The following LPCAT2 variants were observed in gnomAD, a reference collection of about 807,000 sequenced individuals.
The protein encoded by LPCAT2 is lysophosphatidylcholine acyltransferase 2, also known as 1-AGP acyltransferase 11.
LPCAT2 carries 58 observed loss-of-function variants against 64.7 expected under a neutral mutation model. The observed-to-expected ratio is 0.90, with a 90% CI of 0.73 to 1.12. The LOEUF (loss-of-function observed/expected upper bound fraction) is 1.12. Among genes scored for constraint, LPCAT2 ranks in the 50% most tolerant of loss-of-function variants. LPCAT2 has a pLI of 0.00. For synonymous variants in LPCAT2, 252 were observed against 245.3 expected (o/e 1.03, Z -0.26); for missense variants, 579 against 669.8 (o/e 0.86, Z 1.50).
chr16:55,586,220 C>A lies in LPCAT2; in HGVS notation c.*3122C>A, dbSNP rs750792061. On this transcript the variant is annotated 3_prime_UTR_variant, in exon 14 of 14. Coordinates refer to ENST00000262134, the MANE Select transcript of LPCAT2 (RefSeq NM_017839.5). ...GTAAATAGGATAGTAATCTGAAGAA[C>A]TTTTGCCCTTTTTACCCCATTTACT... The A allele has an allele frequency of 1.3e-5, 2 of 152,030 alleles. No individual in the cohort carries two copies. Among genetic ancestry groups the A allele is most frequent in the Non-Finnish European group, 2.9e-5 (2 of 67,998 alleles). The allele number at this position is 152,030 out of a possible 1,614,324, so 9.4% of individuals were successfully genotyped here. A position where few individuals can be genotyped will look rare whatever the true frequency, so the allele number is the denominator to read the frequency against.
chr16:55,512,170 G>C (rs1962942100), intron 1 of LPCAT2, among the ~76,000 whole-genome samples: 1 of 152,148 alleles, frequency 6.6e-6, no homozygotes, highest in African/African-American at 2.4e-5. Context: ...TACGTATTCT[G>C]TTTTATAGGA....
chr16:55,573,573 C>T (rs1963793795), intron 11 of LPCAT2, among the ~76,000 whole-genome samples: 1 of 152,022 alleles, frequency 6.6e-6, no homozygotes, highest in South Asian at 2.1e-4. Context: ...AAGTACTGCC[C>T]TAGCTTTGTT....
intron 9 of LPCAT2, among the ~76,000 whole-genome samples, chr16:55,547,813 G>T (rs1345266062): frequency 6.6e-6 from 1 of 151,766 alleles, no homozygotes; most frequent in Non-Finnish European, 1.5e-5. Context: ...TGTCACTCAG[G>T]CTGGAGTGCA....
intron 1 of LPCAT2, among the ~76,000 whole-genome samples, chr16:55,517,430 C>T (rs1293299365): frequency 1.3e-5 from 2 of 151,938 alleles, no homozygotes; most frequent in Non-Finnish European, 2.9e-5. Context: ...AGAATTAATG[C>T]CAATCCTTCA....
chr16:55,518,278 T>G (rs1056752393), intron 1 of LPCAT2, among the ~76,000 whole-genome samples: 6 of 151,604 alleles, frequency 4.0e-5, no homozygotes, highest in African/African-American at 1.5e-4. Context: ...AGAGACGACT[T>G]AAATAAATGG....
rs766432606 is a variant in LPCAT2 at position 55,574,700 on chromosome 16, A to T, written c.1285A>T (p.Thr429Ser). 6.2e-7 allele frequency: 1 copy of T among 1,613,488 alleles called. No homozygotes were observed. Among genetic ancestry groups the T allele is most frequent in the South Asian group, 1.1e-5 (1 of 91,062 alleles). The change falls in exon 12 of 14, where the codon ACA becomes TCA. Residue 429 changes from threonine to serine, a missense_variant. Thr to Ser is a moderately conservative substitution (Grantham distance 58). Transcript: ENST00000262134. ...GGCTGTCTTGTGCAACCCTTCCAAC[A>T]CAGAGGAGATCATCCAGGTGGCATT... ...GLAVLCNPSN[T>S]EEIIQVAFKL...
chr16:55,519,441 G>A (rs1273626888), intron 1 of LPCAT2, among the ~76,000 whole-genome samples: 18 of 151,406 alleles, frequency 1.2e-4, no homozygotes, highest in Non-Finnish European at 1.9e-4. Context: ...CCTGGGAGGC[G>A]GAGATTGCAG....
intron 13 of LPCAT2, among the ~76,000 whole-genome samples, chr16:55,582,130 A>G (rs2142428038): frequency 6.6e-6 from 1 of 152,318 alleles, no homozygotes; most frequent in East Asian, 1.9e-4. Flanking sequence ...AATACAGAAA[A>G]CTAAATAAAA....
At chr16:55,514,927 T>C (rs577072857) in intron 1 of LPCAT2, among the ~76,000 whole-genome samples, 1 of 151,482 alleles carries the variant, frequency 6.6e-6, no homozygotes, top group South Asian at 2.1e-4. Context: ...TGTGTGTGTG[T>C]GTGTATTCAC....
chr16:55,547,524 TAAGA>T (rs1288317758), intron 9 of LPCAT2, among the ~76,000 whole-genome samples: 1 of 152,158 alleles, frequency 6.6e-6, no homozygotes, highest in Non-Finnish European at 1.5e-5. Context: ...ATGATATAAG[TAAGA>T]AAGCTGACTT....
At position 55,535,627 on chromosome 16, in the gene LPCAT2, A is replaced by G. The variant is rs115951785; in HGVS notation, c.797+1150A>G. Among the ~76,000 whole-genome samples, 1,355 of 152,312 alleles carry G rather than the reference A, an allele frequency of 8.9e-3. 16 individuals carry two copies. Among genetic ancestry groups the G allele is most frequent in the African/African-American group, 0.03 (1,253 of 41,570 alleles). On this transcript the variant is annotated intron_variant, in intron 7 of 13. Transcript: ENST00000262134. The stretch of plus-strand genomic sequence containing the variant: ...AAATACATGTTTCATGCCATTACTT[A>G]TTTTGAATTCCTGATTGCTTTTAGA...
At chr16:55,533,674 A>C (rs1389474209) in intron 6 of LPCAT2, among the ~76,000 whole-genome samples, 1 of 152,016 alleles carries the variant, frequency 6.6e-6, no homozygotes. Flanking sequence ...TGGCCTCCCA[A>C]AGTGCTGGGA....
intron 12 of LPCAT2, among the ~76,000 whole-genome samples, chr16:55,575,287 A>C (rs1659775454): frequency 1.3e-5 from 2 of 152,208 alleles, no homozygotes; most frequent in African/African-American, 4.8e-5. Context: ...CAGATGAATA[A>C]AATTCATGTC....
At chr16:55,574,185 C>A (rs1963801615) in intron 11 of LPCAT2, among the ~76,000 whole-genome samples, 1 of 152,044 alleles carries the variant, frequency 6.6e-6, no homozygotes, top group Non-Finnish European at 1.5e-5. Flanking sequence ...TTTTTCTTTT[C>A]TTTCATTTTC....
At chr16:55,550,324 T>TC (rs1314813280) in intron 10 of LPCAT2, among the ~76,000 whole-genome samples, 2 of 152,174 alleles carry the variant, frequency 1.3e-5, no homozygotes, top group Non-Finnish European at 2.9e-5. Flanking sequence ...CCGTAGTTTT[T>TC]CATAACTAAT....
In LPCAT2 at chr16:55,509,169, G is replaced by A. The variant is rs1460652646; in HGVS notation, c.-13G>A. ...GTAGATCGCTTCGGCCGGGTTCTACGCCCGGCTCAACTATGAGCCGGTGCG... is the reference window on the plus strand; with the variant it reads ...GTAGATCGCTTCGGCCGGGTTCTACACCCGGCTCAACTATGAGCCGGTGCG... On this transcript the variant is annotated 5_prime_UTR_variant, in exon 1 of 14. Transcript: ENST00000262134. 8 of 1,336,934 alleles carry A rather than the reference G, an allele frequency of 6.0e-6. No individual in the cohort carries two copies. The Admixed American group carries it at 2.1e-4, about 36-fold the overall frequency. The allele number at this position is 1,336,934 out of a possible 1,614,324, so 82.8% of individuals were successfully genotyped here.
chr16:55,558,763 A>G (rs1283859006), intron 11 of LPCAT2, among the ~76,000 whole-genome samples: 1 of 152,172 alleles, frequency 6.6e-6, no homozygotes, highest in East Asian at 1.9e-4. Flanking sequence ...CTATGTCCCA[A>G]TAAAACTGTA....
At chr16:55,556,626 A>T (rs549916663) in intron 11 of LPCAT2, among the ~76,000 whole-genome samples, 62 of 152,276 alleles carry the variant, frequency 4.1e-4, no homozygotes, top group Admixed American at 3.7e-3. Context: ...AAATACAAAA[A>T]AAATTAGGTG....
chr16:55,522,453 G>A (rs548653432), intron 1 of LPCAT2, among the ~76,000 whole-genome samples: 1 of 151,568 alleles, frequency 6.6e-6, no homozygotes. Context: ...AATCCTAACA[G>A]GTTTTTGTGT....
Sources: allele counts gnomAD v4.1 joint callset (sites outside exome capture counted in the v4.1 genomes callset), GRCh38; gene constraint gnomAD v4.1.1; transcripts MANE v1.5; gene names NCBI Gene and HGNC (gene_info 2026-07-23, HGNC 2026-07-21).